The following CNGB3 variants were observed in gnomAD, a reference collection of about 807,000 sequenced individuals.
The protein encoded by CNGB3 is cyclic nucleotide gated channel subunit beta 3.
Under a neutral mutation model 92.8 loss-of-function variants are expected in CNGB3, and 86 were observed. The ratio of observed to expected loss-of-function variants is 0.93; its 90% CI spans 0.78 to 1.11. The LOEUF is 1.11. Among genes scored for constraint, CNGB3 ranks in the 50% least tolerant of loss-of-function variants. The pLI is 0.00. For synonymous variants in CNGB3, 333 were observed against 332.7 expected, an observed-to-expected ratio of 1.00 and a Z score of -0.01; for missense variants, 1,026 against 956.8, an observed-to-expected ratio of 1.07 and a Z score of -0.95.
chr8:86,590,450 T>C (rs946504251), intron 15 of CNGB3, among the ~76,000 whole-genome samples: 2 of 152,188 alleles, frequency 1.3e-5, no homozygotes, highest in African/African-American at 4.8e-5. Flanking sequence ...GTCTTTACAT[T>C]ATGGCATGAT....
At chr8:86,657,607 G>A in intron 6 of CNGB3, 1 of 406,608 alleles carries the variant, frequency 2.5e-6, no homozygotes, top group Non-Finnish European at 5.0e-6. Context: ...CCTGTTTGTT[G>A]GCAGCCCCGA....
At chr8:86,613,479 T>C (rs1027780916) in intron 13 of CNGB3, among the ~76,000 whole-genome samples, 2 of 152,190 alleles carry the variant, frequency 1.3e-5, no homozygotes, top group African/African-American at 4.8e-5. Context: ...TCTTCTCCAC[T>C]AAAGAAAATT....
At chr8:86,597,597 G>A (rs567888739) in intron 15 of CNGB3, among the ~76,000 whole-genome samples, 58 of 152,228 alleles carry the variant, frequency 3.8e-4, no homozygotes, top group African/African-American at 9.4e-4. Flanking sequence ...GCATCCAGGC[G>A]GAGGTAATAG....
chr8:86,619,629 T>A (rs1298563227), intron 13 of CNGB3, among the ~76,000 whole-genome samples: 1 of 151,818 alleles, frequency 6.6e-6, no homozygotes, highest in Non-Finnish European at 1.5e-5. Flanking sequence ...GAGCCTTTTC[T>A]TAGCAGGAAA....
chr8:86,663,342 G>T (rs1248528405), intron 6 of CNGB3, among the ~76,000 whole-genome samples: 1 of 152,156 alleles, frequency 6.6e-6, no homozygotes, highest in African/African-American at 2.4e-5. Context: ...ATCTATAAAG[G>T]AAATTACATA....
chr8:86,696,504 T>C (rs1312490116), intron 3 of CNGB3, among the ~76,000 whole-genome samples: 2 of 152,202 alleles, frequency 1.3e-5, no homozygotes, highest in Non-Finnish European at 2.9e-5. Context: ...TTCCAGTTTT[T>C]CCAGTATGTT....
intron 15 of CNGB3, among the ~76,000 whole-genome samples, chr8:86,590,240 T>C (rs373417272): frequency 2.0e-5 from 3 of 151,988 alleles, no homozygotes; most frequent in African/African-American, 7.2e-5. Flanking sequence ...TGTCTCTGCA[T>C]GTGAGATGGG....
chr8:86,613,752 T>C (rs1392640153), intron 13 of CNGB3, among the ~76,000 whole-genome samples: 1 of 151,652 alleles, frequency 6.6e-6, no homozygotes, highest in Non-Finnish European at 1.5e-5. Context: ...TTTTATTCCT[T>C]GAACAACTCC....
At chr8:86,579,043 A>G in intron 16 of CNGB3, 63 bp downstream of exon 16, 1 of 1,599,062 alleles carries the variant, frequency 6.3e-7, no homozygotes, top group Non-Finnish European at 8.6e-7. Flanking sequence ...GGTTCTCCCT[A>G]TCTCAGAGTT....
At position 86,731,458 on chromosome 8, in the gene CNGB3, G is replaced by A. The variant is rs919596487; in HGVS notation, c.212-4801C>T. On this transcript the variant is annotated intron_variant, in intron 2 of 17. Coordinates refer to ENST00000320005, the MANE Select transcript of CNGB3 (RefSeq NM_019098.5). ...TCACAAGTAAAGAAATGTGCAAATC[G>A]CCAAAAGAAAAAGAACGTGGATCCA... Among the ~76,000 whole-genome samples the A allele has an allele frequency of 5.9e-5, 9 of 152,230 alleles. No homozygotes were observed. The East Asian group carries it at 9.6e-4, about 16-fold the overall frequency.
At chr8:86,626,120 A>G in intron 12 of CNGB3, 40 bp from the exon 13 acceptor site, 6 of 1,471,352 alleles carry the variant, frequency 4.1e-6, no homozygotes, top group Non-Finnish European at 5.7e-6. Flanking sequence ...ATGCAGAATA[A>G]TTAATGAAAT....
chr8:86,638,209 A>G (rs1170836349), intron 10 of CNGB3, among the ~76,000 whole-genome samples: 1 of 152,138 alleles, frequency 6.6e-6, no homozygotes, highest in Non-Finnish European at 1.5e-5. Context: ...TTCTGTGAAC[A>G]TATATTTTCA....
chr8:86,670,733 C>A lies in CNGB3; in HGVS notation c.493+211G>T, dbSNP rs559623854. Among the ~76,000 whole-genome samples the A allele has an allele frequency of 1.2e-4, 19 of 152,226 alleles. 1 individual carries two copies. The East Asian group carries it at 3.7e-3, about 29-fold the overall frequency. On this transcript the variant is annotated intron_variant, in intron 4 of 17. Coordinates refer to ENST00000320005, the MANE Select transcript of CNGB3 (RefSeq NM_019098.5). ...CCTGCCAGGTGTGAGCCACTGCACC[C>A]CGCCAGTAATCCTCTTATTAACCCA...
At chr8:86,662,117 A>C (rs1456132490) in intron 6 of CNGB3, among the ~76,000 whole-genome samples, 4 of 152,238 alleles carry the variant, frequency 2.6e-5, no homozygotes, top group Non-Finnish European at 5.9e-5. Flanking sequence ...GCGCCACTGC[A>C]GCTCTTTGTG....
rs1821655449 is a variant in CNGB3, at chr8:86,576,065, ATTTTCT to A, written c.2163_2168del (p.Lys721_Glu722del). On this transcript the variant is annotated inframe_deletion, in exon 18 of 18. Transcript: ENST00000320005. ...CTTCATTTTCTTTTTGTTTATCTTCATTTTCTTTTTGTTTATCTTCATTTTCTTTTC... is the reference window on the plus strand; with the variant it reads ...CTTCATTTTCTTTTTGTTTATCTTCATTTTGTTTATCTTCATTTTCTTTTC... 1 of 1,584,282 alleles carries A rather than the reference ATTTTCT, an allele frequency of 6.3e-7. No individual in the cohort carries two copies. The highest frequency in any genetic ancestry group is 1.4e-5 in the African/African-American group (1 of 72,314).
chr8:86,687,387 A>G lies in CNGB3; in HGVS notation c.339-16289T>C, dbSNP rs561373973. ...ATGAAGTACTGGCACATGCTATAATATGGATGAACCTAGAAAACATTATGC... is the reference window on the plus strand; with the variant it reads ...ATGAAGTACTGGCACATGCTATAATGTGGATGAACCTAGAAAACATTATGC... On this transcript the variant is annotated intron_variant, in intron 3 of 17. Coordinates refer to ENST00000320005, the MANE Select transcript of CNGB3 (RefSeq NM_019098.5). 5.3e-5 allele frequency among the ~76,000 whole-genome samples: 8 copies of G among 152,186 alleles called. No individual in the cohort carries two copies. The South Asian group carries it at 1.4e-3, about 28-fold the overall frequency.
chr8:86,638,950 TTC>T (rs1268849172), intron 10 of CNGB3, among the ~76,000 whole-genome samples: 2 of 151,806 alleles, frequency 1.3e-5, no homozygotes, highest in Non-Finnish European at 2.9e-5. Context: ...CTCCCTTTCC[TTC>T]TCTCTCTCTG....
chr8:86,711,189 A>C (rs1824742886), intron 3 of CNGB3, among the ~76,000 whole-genome samples: 1 of 152,192 alleles, frequency 6.6e-6, no homozygotes, highest in African/African-American at 2.4e-5. Flanking sequence ...TTCTTGGTGC[A>C]CTTAAGTTCA....
intron 6 of CNGB3, chr8:86,661,521 T>C (rs1586000351): frequency 3.0e-6 from 2 of 666,724 alleles, no homozygotes; most frequent in East Asian, 6.1e-5. Context: ...CACATCACAT[T>C]TAAATGGCCT....
Sources: gnomAD v4.1 joint callset for allele counts (sites outside exome capture counted in the v4.1 genomes callset) on GRCh38, gnomAD v4.1.1 for gene constraint, MANE v1.5 for transcripts, NCBI Gene and HGNC (gene_info 2026-07-23, HGNC 2026-07-21) for gene names.